Variants in ZSCAN5A observed in about 807,000 individuals in gnomAD.
ZSCAN5A encodes zinc finger and SCAN domain containing 5A, also known as zinc finger and SCAN domain-containing protein 5A.
A neutral mutation model predicts 23.7 loss-of-function variants in ZSCAN5A; 12 were observed. The observed-to-expected ratio is 0.51, with a 90% CI of 0.32 to 0.82. ZSCAN5A has a LOEUF of 0.82. Among genes scored for constraint, ZSCAN5A ranks in the 40% least tolerant of loss-of-function variants. The pLI, the probability that ZSCAN5A is intolerant of heterozygous loss-of-function variation, is 0.03. For synonymous variants in ZSCAN5A, 257 were observed against 239.9 expected (o/e 1.07, Z -0.66); for missense variants, 597 against 617.9 (o/e 0.97, Z 0.36).
At chr19:56,239,931 AGGTG>A (rs1568630503) in intron 2 of ZSCAN5A, among the ~76,000 whole-genome samples, 14 of 152,250 alleles carry the variant, frequency 9.2e-5, no homozygotes, top group African/African-American at 3.4e-4. Flanking sequence ...TGGGAGGCCG[AGGTG>A]GGCAGATCAC....
chr19:56,303,202 G>A (rs116163782), intron 2 of ZSCAN5A, among the ~76,000 whole-genome samples: 2,646 of 152,260 alleles, frequency 0.017, 76 homozygotes, highest in African/African-American at 0.06. Flanking sequence ...AAGCCAGGCC[G>A]GGCACGGTGG....
chr19:56,263,735 G>A (rs2146883899), intron 2 of ZSCAN5A: 1 of 152,134 alleles, frequency 6.6e-6, no homozygotes, highest in Admixed American at 6.5e-5. Flanking sequence ...ACAAAGACAA[G>A]GAATTGCGAA....
chr19:56,276,504 C>CTT (rs767095656), intron 2 of ZSCAN5A, among the ~76,000 whole-genome samples: 4 of 97,058 alleles, frequency 4.1e-5, no homozygotes, highest in South Asian at 3.5e-4. Flanking sequence ...ATCTAAAGAG[C>CTT]TCTTTTTTTT....
chr19:56,233,332 T>G (rs1387156430), intron 2 of ZSCAN5A, among the ~76,000 whole-genome samples: 1 of 152,154 alleles, frequency 6.6e-6, no homozygotes, highest in Admixed American at 6.5e-5. Flanking sequence ...CATCATTGTC[T>G]ATAAAAACGG....
intron 2 of ZSCAN5A, among the ~76,000 whole-genome samples, chr19:56,233,208 T>C (rs1297046899): frequency 9.2e-5 from 14 of 152,130 alleles, no homozygotes; most frequent in Admixed American, 9.2e-4. Flanking sequence ...AGTTTTTACA[T>C]TTCACATGTG....
chr19:56,328,719 T>C (rs2041459350), intron 2 of ZSCAN5A, among the ~76,000 whole-genome samples: 2 of 150,662 alleles, frequency 1.3e-5, no homozygotes, highest in East Asian at 2.0e-4. Context: ...AGAAGAAATA[T>C]GGCCAGGCGC....
chr19:56,301,873 G>A, intron 2 of ZSCAN5A: 2 of 1,226,178 alleles, frequency 1.6e-6, no homozygotes, highest in Non-Finnish European at 2.0e-6. Context: ...AGAGATGTGA[G>A]TTTGGAGATC....
chr19:56,231,710 T>C (rs2034475197), intron 2 of ZSCAN5A, among the ~76,000 whole-genome samples: 1 of 152,256 alleles, frequency 6.6e-6, no homozygotes, highest in Non-Finnish European at 1.5e-5. Context: ...ATTAACTGTT[T>C]TATCTGTACA....
chr19:56,273,084 T>G (rs1398576926), intron 2 of ZSCAN5A, among the ~76,000 whole-genome samples: 3 of 152,106 alleles, frequency 2.0e-5, no homozygotes, highest in Non-Finnish European at 2.9e-5. Context: ...GGTGAATGAG[T>G]CTAGGTTGCT....
At chr19:56,335,591 A>G (rs1443816493) in intron 2 of ZSCAN5A, among the ~76,000 whole-genome samples, 1 of 151,968 alleles carries the variant, frequency 6.6e-6, no homozygotes, top group South Asian at 2.1e-4. Context: ...TACATTTAAG[A>G]TTAATATTGT....
At chr19:56,259,234 G>C (rs2036948610) in intron 2 of ZSCAN5A, among the ~76,000 whole-genome samples, 1 of 152,026 alleles carries the variant, frequency 6.6e-6, no homozygotes, top group Admixed American at 6.6e-5. Context: ...AAATAGAGAT[G>C]AGGTCTTACC....
chr19:56,223,843 A>T lies in ZSCAN5A; in HGVS notation c.385-9T>A. The T allele has an allele frequency of 6.2e-7, 1 of 1,607,900 alleles. No homozygotes were observed. Among genetic ancestry groups the T allele is most frequent in the Non-Finnish European group, 8.5e-7 (1 of 1,179,078 alleles). ...TGGAAGGTGACCACAGACTGTAGAG[A>T]GAAAAAAGACAATCAGACTCACCAT... On this transcript the variant is annotated splice_polypyrimidine_tract_variant and intron_variant, in intron 3 of 5. Coordinates refer to ENST00000683990, the MANE Select transcript of ZSCAN5A (RefSeq NM_001322064.3).
rs927932605 is a variant in ZSCAN5A, at chr19:56,313,342, A to G, written c.-187T>C. 1.4e-5 allele frequency: 4 copies of G among 289,336 alleles called. No homozygotes were observed. The highest frequency in any genetic ancestry group is 1.3e-3 in the Middle Eastern group (1 of 786). The allele number at this position is 289,336 out of a possible 1,614,324, so 17.9% of individuals were successfully genotyped here. A position where few individuals can be genotyped will look rare whatever the true frequency, so the allele number is the denominator to read the frequency against. On this transcript the variant is annotated 5_prime_UTR_variant, in exon 2 of 6. It removes an upstream start codon present in the reference 5' UTR. Coordinates refer to ENST00000683990, the MANE Select transcript of ZSCAN5A (RefSeq NM_001322064.3). ...GCAGAAGGTCAAAGGCACGTCTCAC[A>G]TGGCAGCAGACAAGAGAAGAGAGCT...
At position 56,357,448 on chromosome 19, in the gene ZSCAN5A, C is replaced by A. The variant is rs117251568; in HGVS notation, c.-358+5787G>T. 1.2e-3 allele frequency among the ~76,000 whole-genome samples: 174 copies of A among 147,694 alleles called. 5 individuals carry two copies. In the East Asian group the frequency reaches 0.031, roughly 27 times the overall value. The stretch of plus-strand genomic sequence containing the variant: ...CAATAAACCAGGGCAACTGGGACTC[C>A]CTCACCCCAAACCTTCACCCATCTT... On this transcript the variant is annotated intron_variant, in intron 2 of 6. Transcript: ENST00000587340.
rs35806754 is a variant in ZSCAN5A, at chr19:56,324,641, C to CAA, written c.-357-8375_-357-8374dup. 8.5e-3 allele frequency among the ~76,000 whole-genome samples: 693 copies of CAA among 81,724 alleles called. 5 individuals are homozygous for CAA. Among genetic ancestry groups the CAA allele is most frequent in the Non-Finnish European group, 0.016 (551 of 34,666 alleles). The allele number at this position is 81,724 out of a possible 152,430, so 53.6% of individuals were successfully genotyped here. On this transcript the variant is annotated intron_variant, in intron 2 of 6. Transcript: ENST00000587340. Reference sequence around the variant, plus strand: ...GCATTCCCACTGCTGTGTACATGTTCAAAAAAAAAAAAAAAAAAGGAAGTT... The same window carrying CAA: ...GCATTCCCACTGCTGTGTACATGTTCAAAAAAAAAAAAAAAAAAAAGGAAGTT...
chr19:56,226,486 C>T (rs1205287697), intron 2 of ZSCAN5A, among the ~76,000 whole-genome samples: 2 of 152,154 alleles, frequency 1.3e-5, no homozygotes, highest in Non-Finnish European at 2.9e-5. Context: ...TATCACTCAT[C>T]ATCAGGGACA....
intron 2 of ZSCAN5A, among the ~76,000 whole-genome samples, chr19:56,244,698 C>T (rs533240215): frequency 2.7e-5 from 4 of 149,170 alleles, no homozygotes; most frequent in East Asian, 1.9e-4. Flanking sequence ...TGTGCTGAGA[C>T]GGCAAGTTCC....
chr19:56,366,478 A>T lies in ZSCAN5A; in HGVS notation c.-522+1731T>A, dbSNP rs372277790. On this transcript the variant is annotated intron_variant, in intron 1 of 6. Transcript: ENST00000587340. Reference sequence around the variant, plus strand: ...CCATTAAGACTTGTTGAAACCATTAATTGGGAGGCCATTAGGCCGAGGTGG... The same window carrying T: ...CCATTAAGACTTGTTGAAACCATTATTTGGGAGGCCATTAGGCCGAGGTGG... Among the ~76,000 whole-genome samples the T allele has an allele frequency of 2.0e-4, 31 of 152,014 alleles. No individual in the cohort carries two copies. The East Asian group carries it at 5.6e-3, about 28-fold the overall frequency.
At chr19:56,356,903 C>A (rs544453453) in intron 2 of ZSCAN5A, among the ~76,000 whole-genome samples, 1 of 148,586 alleles carries the variant, frequency 6.7e-6, no homozygotes, top group South Asian at 2.2e-4. Context: ...TGAAGGAGTT[C>A]CTTTAGAACT....
Sources: gnomAD v4.1 joint callset for allele counts (sites outside exome capture counted in the v4.1 genomes callset) on GRCh38, gnomAD v4.1.1 for gene constraint, MANE v1.5 for transcripts, NCBI Gene and HGNC (gene_info 2026-07-23, HGNC 2026-07-21) for gene names.